The following ST8SIA1 variants were observed in gnomAD, a reference collection of about 807,000 sequenced individuals.
ST8SIA1 encodes alpha-N-acetylneuraminide alpha-2,8-sialyltransferase.
In ST8SIA1, 16 loss-of-function variants were observed where a neutral mutation model predicts 35.9. The observed-to-expected ratio is 0.45, with a 90% CI of 0.30 to 0.68. The LOEUF (loss-of-function observed/expected upper bound fraction) is 0.68, where lower values mean the gene tolerates loss of function less well. Among genes scored for constraint, ST8SIA1 ranks in the 30% least tolerant of loss-of-function variants. ST8SIA1 has a pLI of 0.09. For synonymous variants in ST8SIA1, 170 were observed against 169.6 expected, an observed-to-expected ratio of 1.00 and a Z score of -0.02; for missense variants, 383 against 453.6, an observed-to-expected ratio of 0.84 and a Z score of 1.41.
chr12:22,244,007 G>A (rs1865570744), intron 4 of ST8SIA1, among the ~76,000 whole-genome samples: 1 of 149,826 alleles, frequency 6.7e-6, no homozygotes, highest in South Asian at 2.2e-4. Context: ...TCCAGTCCGG[G>A]CAACAAGAAT....
At chr12:22,255,532 G>A in intron 2 of ST8SIA1, 143 bp from the exon 3 acceptor site, 3 of 756,806 alleles carry the variant, frequency 4.0e-6, no homozygotes, top group Middle Eastern at 2.4e-4. Flanking sequence ...AAGATGCCAA[G>A]AAGTTTGTAA....
intron 2 of ST8SIA1, among the ~76,000 whole-genome samples, chr12:22,285,644 G>A (rs1457526099): frequency 6.6e-6 from 1 of 152,092 alleles, no homozygotes; most frequent in Non-Finnish European, 1.5e-5. Context: ...GGCCGAGGTG[G>A]GCAGATCACT....
intron 3 of ST8SIA1, 59 bp from the exon 4 acceptor site, chr12:22,249,157 G>C (rs1865636784): frequency 1.9e-6 from 2 of 1,056,634 alleles, no homozygotes; most frequent in Non-Finnish European, 2.9e-6. Context: ...TCATCAGTTA[G>C]AATAATACAA....
chr12:22,319,171 T>G (rs1487428976), intron 1 of ST8SIA1, among the ~76,000 whole-genome samples: 5 of 152,208 alleles, frequency 3.3e-5, no homozygotes, highest in African/African-American at 1.2e-4. Context: ...ATGATAAGAC[T>G]GTGTAGAGTG....
intron 3 of ST8SIA1, among the ~76,000 whole-genome samples, chr12:22,251,032 T>G (rs530080587): frequency 5.9e-5 from 9 of 152,318 alleles, no homozygotes; most frequent in African/African-American, 1.9e-4. Context: ...AGTTTATGCA[T>G]TAACAGCCAG....
chr12:22,285,877 C>CAAAAAAAACAA (rs67273710), intron 2 of ST8SIA1, among the ~76,000 whole-genome samples: 3 of 103,674 alleles, frequency 2.9e-5, no homozygotes, highest in Non-Finnish European at 5.7e-5. Context: ...CTGTCAAAAA[C>CAAAAAAAACAA]AAAAAAAAAA....
chr12:22,203,162 GA>G (rs1865069024), intron 4 of ST8SIA1, among the ~76,000 whole-genome samples: 1 of 152,074 alleles, frequency 6.6e-6, no homozygotes, highest in Admixed American at 6.6e-5. Flanking sequence ...GACCAGGTAA[GA>G]GGCTGCTAAT....
chr12:22,226,486 C>A (rs1865359013), intron 4 of ST8SIA1, among the ~76,000 whole-genome samples: 1 of 151,950 alleles, frequency 6.6e-6, no homozygotes. Flanking sequence ...CTCTGGAAAG[C>A]CTTATGGCTG....
chr12:22,203,335 G>T (rs1865071093), intron 4 of ST8SIA1, among the ~76,000 whole-genome samples: 1 of 152,138 alleles, frequency 6.6e-6, no homozygotes, highest in Non-Finnish European at 1.5e-5. Context: ...CAGCATCAAA[G>T]AATAAACTGA....
chr12:22,235,088 G>A, intron 4 of ST8SIA1, among the ~76,000 whole-genome samples: 1 of 152,074 alleles, frequency 6.6e-6, no homozygotes, highest in Non-Finnish European at 1.5e-5. Flanking sequence ...TGTGTCCAAA[G>A]AGATTCAGAT....
chr12:22,193,996 T>C lies in ST8SIA1; in HGVS notation c.*7556A>G, dbSNP rs1186732496. On this transcript the variant is annotated 3_prime_UTR_variant, in exon 5 of 5. Coordinates refer to ENST00000396037, the MANE Select transcript of ST8SIA1 (RefSeq NM_003034.4). Reference sequence around the variant, plus strand: ...TAAAGAGACCAAAAAGACACCTTTTTCCCCAGTGCTTTTTAGACTGACTAT... The same window carrying C: ...TAAAGAGACCAAAAAGACACCTTTTCCCCCAGTGCTTTTTAGACTGACTAT... 6.6e-6 allele frequency: 1 copy of C among 152,196 alleles called. No individual in the cohort carries two copies. The highest frequency in any genetic ancestry group is 1.5e-5 in the Non-Finnish European group (1 of 68,038). The allele number at this position is 152,196 out of a possible 1,614,324, so 9.4% of individuals were successfully genotyped here.
intron 2 of ST8SIA1, among the ~76,000 whole-genome samples, chr12:22,274,918 G>A (rs1167773591): frequency 6.6e-6 from 1 of 152,222 alleles, no homozygotes; most frequent in Non-Finnish European, 1.5e-5. Flanking sequence ...CAGAAAGCAT[G>A]TGAGCCAGTA....
intron 1 of ST8SIA1, among the ~76,000 whole-genome samples, chr12:22,312,572 A>G (rs1055088425): frequency 6.6e-6 from 1 of 152,196 alleles, no homozygotes; most frequent in African/African-American, 2.4e-5. Context: ...TTTTCAGTGC[A>G]TCATTAGTGT....
intron 4 of ST8SIA1, among the ~76,000 whole-genome samples, chr12:22,231,543 C>G (rs1865420346): frequency 6.6e-6 from 1 of 151,854 alleles, no homozygotes; most frequent in Non-Finnish European, 1.5e-5. Context: ...CTACTTTGTG[C>G]TAATGCAATA....
At chr12:22,241,048 T>TTAACCC (rs368989961) in intron 4 of ST8SIA1, among the ~76,000 whole-genome samples, 49 of 149,390 alleles carry the variant, frequency 3.3e-4, no homozygotes, top group East Asian at 2.4e-3. Context: ...ATGGCTAACC[T>TTAACCC]TAACCCTAAC....
At chr12:22,331,086 T>C (rs535067479) in intron 1 of ST8SIA1, among the ~76,000 whole-genome samples, 1 of 152,308 alleles carries the variant, frequency 6.6e-6, no homozygotes, top group East Asian at 1.9e-4. Flanking sequence ...TCTCTGAGAA[T>C]TCAGTACATA....
At chr12:22,333,907 C>A in intron 1 of ST8SIA1, 90 bp downstream of exon 1, 1 of 1,096,064 alleles carries the variant, frequency 9.1e-7, no homozygotes, top group Non-Finnish European at 1.4e-6. Context: ...CTCTGCGAGA[C>A]GGTGCAAGGC....
At chr12:22,304,503 C>T (rs1200657119) in intron 1 of ST8SIA1, among the ~76,000 whole-genome samples, 4 of 152,058 alleles carry the variant, frequency 2.6e-5, no homozygotes, top group African/African-American at 7.2e-5. Context: ...GTGCCAGACT[C>T]CCTTTGGGGG....
Position 22,201,386 on chromosome 12 carries a change from C to T in ST8SIA1, c.*166G>A. 2.2e-6 allele frequency: 2 copies of T among 924,104 alleles called. No homozygotes were observed. Among genetic ancestry groups the T allele is most frequent in the Middle Eastern group, 3.5e-4 (1 of 2,840 alleles). The allele number at this position is 924,104 out of a possible 1,614,324, so 57.2% of individuals were successfully genotyped here. A position where few individuals can be genotyped will look rare whatever the true frequency, so the allele number is the denominator to read the frequency against. The stretch of plus-strand genomic sequence containing the variant: ...GGATGTTTCATTTCTTATTTGTCCT[C>T]CAAGCCAACGCTGAAAGTAAAGTTT... On this transcript the variant is annotated 3_prime_UTR_variant, in exon 5 of 5. Coordinates refer to ENST00000396037, the MANE Select transcript of ST8SIA1 (RefSeq NM_003034.4).
Sources: gnomAD v4.1 joint callset for allele counts (sites outside exome capture counted in the v4.1 genomes callset) on GRCh38, gnomAD v4.1.1 for gene constraint, MANE v1.5 for transcripts, NCBI Gene and HGNC (gene_info 2026-07-23, HGNC 2026-07-21) for gene names.